The following KATNAL2 variants were observed in gnomAD, a reference collection of about 807,000 sequenced individuals.
KATNAL2 encodes katanin p60 ATPase-containing subunit A-like 2.
KATNAL2 carries 52 observed loss-of-function variants against 76.3 expected under a neutral mutation model. The observed-to-expected ratio is 0.68, with a 90% CI of 0.55 to 0.86. The LOEUF is 0.86. Ranked by LOEUF, KATNAL2 falls within the 40% of genes least tolerant of loss-of-function variation. KATNAL2 has a pLI of 0.00. For missense variants in KATNAL2, 660 were observed against 668.9 expected, an observed-to-expected ratio of 0.99 and a Z score of 0.15; for synonymous variants, 243 against 244.2, an observed-to-expected ratio of 1.00 and a Z score of 0.05.
Position 46,946,522 on chromosome 18 carries a change from G to A in KATNAL2, c.-44G>A, listed in dbSNP as rs1569002066. On this transcript the variant is annotated 5_prime_UTR_variant, in exon 2 of 18. Coordinates refer to ENST00000683218, the MANE Select transcript of KATNAL2 (RefSeq NM_001387690.1). ...TTGGGTCGCAAAGACCTGAACAACGGCTGAAATCAAGGACAAATATTATGG... is the reference window on the plus strand; with the variant it reads ...TTGGGTCGCAAAGACCTGAACAACGACTGAAATCAAGGACAAATATTATGG... 2.0e-6 allele frequency: 2 copies of A among 985,350 alleles called. No homozygotes were observed. The highest frequency in any genetic ancestry group is 1.7e-5 in the African/African-American group (1 of 57,254). 61.0% of individuals were successfully genotyped at this position (985,350 alleles called of 1,614,324 possible).
At chr18:47,084,229 A>T in intron 15 of KATNAL2, 1 of 644,246 alleles carries the variant, frequency 1.6e-6, no homozygotes, top group Non-Finnish European at 2.8e-6. Flanking sequence ...ATGTTAACCT[A>T]CTTCTTCCTA....
At chr18:47,095,042 T>C (rs1003226645) in intron 15 of KATNAL2, among the ~76,000 whole-genome samples, 1 of 152,226 alleles carries the variant, frequency 6.6e-6, no homozygotes, top group African/African-American at 2.4e-5. Context: ...CTTGACTTTC[T>C]TTACTGCTGA....
At chr18:47,086,558 A>G (rs950907883) in intron 15 of KATNAL2, among the ~76,000 whole-genome samples, 3 of 151,936 alleles carry the variant, frequency 2.0e-5, no homozygotes, top group African/African-American at 7.3e-5. Context: ...CTCATGATCC[A>G]CCTGCCTCGG....
At chr18:47,094,618 A>G (rs1355549359) in intron 15 of KATNAL2, among the ~76,000 whole-genome samples, 1 of 152,182 alleles carries the variant, frequency 6.6e-6, no homozygotes, top group Non-Finnish European at 1.5e-5. Context: ...GGCTCCATGT[A>G]TTGAGATTTG....
At chr18:47,054,323 A>G in intron 5 of KATNAL2, 73 bp from the exon 6 acceptor site, 2 of 1,329,306 alleles carry the variant, frequency 1.5e-6, no homozygotes, top group Non-Finnish European at 1.1e-6. Context: ...AAAAGGGGAA[A>G]CATACCTGAA....
At chr18:47,083,333 C>T (rs1009411643) in intron 15 of KATNAL2, among the ~76,000 whole-genome samples, 1 of 152,174 alleles carries the variant, frequency 6.6e-6, no homozygotes. Context: ...GCAGTCTGTC[C>T]TTCTAGGGGA....
chr18:47,059,915 T>G (rs1435693273), intron 8 of KATNAL2, among the ~76,000 whole-genome samples: 3 of 152,166 alleles, frequency 2.0e-5, no homozygotes, highest in African/African-American at 7.2e-5. Flanking sequence ...TGGAAGAGAT[T>G]GTCTCTAGTG....
intron 3 of KATNAL2, among the ~76,000 whole-genome samples, chr18:46,960,822 T>C (rs1304988232): frequency 6.6e-6 from 1 of 152,162 alleles, no homozygotes; most frequent in East Asian, 1.9e-4. Flanking sequence ...AGAAACTGAT[T>C]TGCAAGTAAC....
chr18:46,954,326 CTTTTTTTTT>C (rs57075892), intron 3 of KATNAL2, among the ~76,000 whole-genome samples: 4 of 121,138 alleles, frequency 3.3e-5, no homozygotes, highest in African/African-American at 1.3e-4. Context: ...TCTTCTTCGT[CTTTTTTTTT>C]TTTTTTTTTT....
At chr18:47,033,413 G>A in intron 3 of KATNAL2, 5 of 1,613,424 alleles carry the variant, frequency 3.1e-6, no homozygotes, top group East Asian at 4.5e-5. Flanking sequence ...ACTCTCAGCC[G>A]CTGCTCTGGG....
chr18:46,943,633 A>C (rs2059308282), intron 1 of KATNAL2, among the ~76,000 whole-genome samples: 1 of 152,246 alleles, frequency 6.6e-6, no homozygotes, highest in South Asian at 2.1e-4. Flanking sequence ...TAACCAAAAA[A>C]TGGGCAACCA....
chr18:47,098,442 A>T (rs772447577), intron 15 of KATNAL2: 14 of 190,030 alleles, frequency 7.4e-5, no homozygotes, highest in Admixed American at 3.5e-4. Flanking sequence ...ACCTTGTGAG[A>T]CTTATTCACT....
At chr18:46,953,367 T>C (rs958393299) in intron 3 of KATNAL2, among the ~76,000 whole-genome samples, 14 of 152,316 alleles carry the variant, frequency 9.2e-5, no homozygotes, top group Middle Eastern at 3.4e-3. Context: ...AGGCTGGGCA[T>C]AGTGGCTCAC....
At chr18:47,072,870 T>G (rs1178702867) in intron 13 of KATNAL2, among the ~76,000 whole-genome samples, 1 of 152,236 alleles carries the variant, frequency 6.6e-6, no homozygotes, top group Non-Finnish European at 1.5e-5. Context: ...TTCTTTCATA[T>G]GTCTATATGG....
intron 3 of KATNAL2, among the ~76,000 whole-genome samples, chr18:46,961,517 A>T (rs1282717966): frequency 1.3e-5 from 2 of 152,240 alleles, no homozygotes; most frequent in African/African-American, 4.8e-5. Flanking sequence ...ACACAGGGGA[A>T]GAGCAAGCAA....
chr18:47,102,071 T>C lies in KATNAL2; in HGVS notation c.*1066T>C, dbSNP rs1283301952. ...AACCTCCAGAAAGAGACACTTTGGATAGCTAAGTATCCCAAAGGATTTTAC... is the reference window on the plus strand; with the variant it reads ...AACCTCCAGAAAGAGACACTTTGGACAGCTAAGTATCCCAAAGGATTTTAC... On this transcript the variant is annotated 3_prime_UTR_variant, in exon 18 of 18. Coordinates refer to ENST00000683218, the MANE Select transcript of KATNAL2 (RefSeq NM_001387690.1). 2 of 152,230 alleles carry C rather than the reference T, an allele frequency of 1.3e-5. No individual in the cohort carries two copies. The highest frequency in any genetic ancestry group is 2.4e-5 in the African/African-American group (1 of 41,468). 9.4% of individuals were successfully genotyped at this position (152,230 alleles called of 1,614,324 possible). A position where few individuals can be genotyped will look rare whatever the true frequency, so the allele number is the denominator to read the frequency against.
chr18:47,034,356 ACTGT>A (rs755961863), intron 3 of KATNAL2: 4 of 1,613,666 alleles, frequency 2.5e-6, no homozygotes, highest in Non-Finnish European at 2.5e-6. Context: ...TCTTCTGGTG[ACTGT>A]CTGGAGCCTC....
At chr18:47,071,026 G>C (rs572615118) in intron 13 of KATNAL2, among the ~76,000 whole-genome samples, 1 of 152,222 alleles carries the variant, frequency 6.6e-6, no homozygotes, top group South Asian at 2.1e-4. Context: ...AACTGCACGG[G>C]TCTACTTATA....
At chr18:46,931,127 T>TAAA (rs2058901118) in intron 1 of KATNAL2, among the ~76,000 whole-genome samples, 2 of 128,462 alleles carry the variant, frequency 1.6e-5, no homozygotes, top group South Asian at 5.1e-4. Flanking sequence ...ATAATAATAA[T>TAAA]AATAATAATA....
Sources: allele counts gnomAD v4.1 joint callset (sites outside exome capture counted in the v4.1 genomes callset), GRCh38; gene constraint gnomAD v4.1.1; transcripts MANE v1.5; gene names NCBI Gene and HGNC (gene_info 2026-07-23, HGNC 2026-07-21).